The following DHX9 variants were observed in gnomAD, a reference collection of about 807,000 sequenced individuals.
DHX9 encodes the protein ATP-dependent RNA helicase A.
A neutral mutation model predicts 148.7 loss-of-function variants in DHX9; 27 were observed. The ratio of observed to expected loss-of-function variants is 0.18; its 90% CI spans 0.13 to 0.25. DHX9 has a LOEUF of 0.25. DHX9 is among the 10% of genes least tolerant of loss of function. The probability of loss-of-function intolerance (pLI) is 1.00; values close to 1 mark genes in which losing one functional copy is unlikely to be tolerated. For synonymous variants in DHX9, 529 were observed against 516.6 expected (o/e 1.02, Z -0.33); for missense variants, 796 against 1,559.6 (o/e 0.51, Z 8.25).
intron 1 of DHX9, 113 bp from the exon 2 acceptor site, chr1:182,842,432 A>G (rs771601801): frequency 5.2e-5 from 30 of 580,138 alleles, no homozygotes; most frequent in Non-Finnish European, 8.1e-5. Context: ...GAGTCTTAAT[A>G]GCAACATGAT....
At chr1:182,877,838 A>T in intron 19 of DHX9, 183 bp from the exon 20 acceptor site, 1 of 683,994 alleles carries the variant, frequency 1.5e-6, no homozygotes, top group Non-Finnish European at 2.3e-6. Flanking sequence ...ATTGCCTTTT[A>T]GTAGGTTGAC....
chr1:182,887,077 T>C lies in DHX9; in HGVS notation c.3462-6T>C. ...TGCTAAAGTGATGGTTTTGTGCTTT[T>C]CCTAGGTATGGAGATGGTCCACGTC... On this transcript the variant is annotated splice_polypyrimidine_tract_variant and splice_region_variant and intron_variant, in intron 27 of 27. Coordinates refer to ENST00000367549, the MANE Select transcript of DHX9 (RefSeq NM_001357.5). 3 of 1,610,862 alleles carry C rather than the reference T, an allele frequency of 1.9e-6. No individual in the cohort carries two copies. The highest frequency in any genetic ancestry group is 2.5e-6 in the Non-Finnish European group (3 of 1,177,110).
At chr1:182,851,123 T>G (rs1403689670) in intron 3 of DHX9, among the ~76,000 whole-genome samples, 1 of 152,134 alleles carries the variant, frequency 6.6e-6, no homozygotes, top group Non-Finnish European at 1.5e-5. Context: ...TTCTACTTTG[T>G]CTCCATAACC....
intron 21 of DHX9, 84 bp downstream of exon 21, chr1:182,879,494 CAAGATGATG>C: frequency 7.9e-7 from 1 of 1,263,838 alleles, no homozygotes; most frequent in Non-Finnish European, 1.0e-6. Context: ...ACAAATGAAT[CAAGATGATG>C]AAGATGTAGT....
chr1:182,851,841 C>G (rs1668156524), intron 3 of DHX9, among the ~76,000 whole-genome samples: 3 of 152,158 alleles, frequency 2.0e-5, no homozygotes. Flanking sequence ...AAATTAAACA[C>G]TAATGACCAA....
chr1:182,859,094 G>T lies in DHX9; in HGVS notation c.1117G>T (p.Glu373Ter). The T allele has an allele frequency of 6.2e-7, 1 of 1,614,026 alleles. No individual in the cohort carries two copies. Among genetic ancestry groups the T allele is most frequent in the South Asian group, 1.1e-5 (1 of 91,018 alleles). Reference protein sequence around the residue: ...DLKNELMYQLEQDHDLQAILQ... With the variant: ...DLKNELMYQL ...CAAGAATGAATTGATGTACCAGTTG[G>T]AACAGGATCATGATTTGCAAGCAGT... The change falls in exon 11 of 28, where the codon GAA becomes TAA. Residue 373 changes from glutamate (E) to a stop codon, truncating the protein, a stop_gained. Transcript: ENST00000367549. LOFTEE classifies it high-confidence loss of function.
chr1:182,882,328 G>A (rs1004556039), intron 24 of DHX9, among the ~76,000 whole-genome samples: 1 of 152,168 alleles, frequency 6.6e-6, no homozygotes, highest in Non-Finnish European at 1.5e-5. Context: ...ACTAGAACTC[G>A]TTTGTCTAGA....
At position 182,854,333 on chromosome 1, in the gene DHX9, T is replaced by C. The variant is rs116591707; in HGVS notation, c.626+155T>C. The stretch of plus-strand genomic sequence containing the variant: ...ACGTTAATTTGCACAAGAATAATTA[T>C]TGATTTGTGCAGTTTCCATGGTTTT... On this transcript the variant is annotated intron_variant, in intron 6 of 27. Coordinates refer to ENST00000367549, the MANE Select transcript of DHX9 (RefSeq NM_001357.5). Among the ~76,000 whole-genome samples, 222 of 152,382 alleles carry C rather than the reference T, an allele frequency of 1.5e-3. 1 individual carries two copies. The highest frequency in any genetic ancestry group is 2.3e-3 in the Non-Finnish European group (158 of 68,046).
rs748669663 is a variant in DHX9, at chr1:182,862,047, ATTAT to A, written c.1332+1866_1332+1869del. ...TGGTTATTACAGAATACAGTTTTTT[ATTAT>A]TTTTGTTTTTAATATACTGTACTTC... On this transcript the variant is annotated intron_variant, in intron 12 of 27. Coordinates refer to ENST00000367549, the MANE Select transcript of DHX9 (RefSeq NM_001357.5). Among the ~76,000 whole-genome samples, 52 of 151,176 alleles carry A rather than the reference ATTAT, an allele frequency of 3.4e-4. 1 individual carries two copies. In the Middle Eastern group the frequency reaches 0.02, roughly 59 times the overall value.
chr1:182,863,078 T>A (rs1557971766), intron 12 of DHX9, among the ~76,000 whole-genome samples: 1 of 152,242 alleles, frequency 6.6e-6, no homozygotes, highest in Admixed American at 6.5e-5. Context: ...GGAGGACAGT[T>A]GGAACTATTC....
chr1:182,869,717 C>A (rs1006121569), intron 14 of DHX9, among the ~76,000 whole-genome samples: 2 of 152,192 alleles, frequency 1.3e-5, no homozygotes, highest in African/African-American at 4.8e-5. Context: ...TCAGGCGATT[C>A]TCCTACGAGT....
intron 3 of DHX9, 97 bp downstream of exon 3, chr1:182,843,531 C>A: frequency 8.3e-7 from 1 of 1,209,828 alleles, no homozygotes; most frequent in Non-Finnish European, 1.1e-6. Flanking sequence ...TCACTGTTTT[C>A]AGATATATCG....
chr1:182,885,085 G>C (rs546931132), intron 27 of DHX9, among the ~76,000 whole-genome samples: 2 of 152,274 alleles, frequency 1.3e-5, no homozygotes, highest in East Asian at 3.9e-4. Flanking sequence ...AGTTCAGAGT[G>C]GGTCACATGA....
chr1:182,868,681 A>G (rs1375789616), intron 14 of DHX9, among the ~76,000 whole-genome samples: 1 of 151,818 alleles, frequency 6.6e-6, no homozygotes, highest in South Asian at 2.1e-4. Context: ...AGTCCTGGCT[A>G]ATTTTTTGTA....
chr1:182,866,861 T>C, intron 13 of DHX9, 100 bp from the exon 14 acceptor site: 1 of 940,150 alleles, frequency 1.1e-6, no homozygotes, highest in Non-Finnish European at 1.6e-6. Context: ...GATTATTTTC[T>C]AAAATGATGC....
chr1:182,875,977 TAGA>T (rs1648746640), intron 16 of DHX9, 70 bp from the exon 17 acceptor site: 1 of 1,153,380 alleles, frequency 8.7e-7, no homozygotes, highest in African/African-American at 1.6e-5. Context: ...TTAGAGTCAC[TAGA>T]AGAAATCTAG....
intron 12 of DHX9, among the ~76,000 whole-genome samples, chr1:182,866,140 C>T (rs925661303): frequency 1.3e-5 from 2 of 152,120 alleles, no homozygotes; most frequent in African/African-American, 2.4e-5. Context: ...TTTAGTGTGG[C>T]GATCGGTTAC....
rs10911149 is a variant in DHX9 at position 182,866,625 on chromosome 1, T to C, written c.1474+40T>C. 1.4e-4 allele frequency: 228 copies of C among 1,584,526 alleles called. 1 individual carries two copies. The African/African-American group carries it at 2.7e-3, about 19-fold the overall frequency. On this transcript the variant is annotated intron_variant, in intron 13 of 27. Coordinates refer to ENST00000367549, the MANE Select transcript of DHX9 (RefSeq NM_001357.5). The stretch of plus-strand genomic sequence containing the variant: ...TTGATTTTTCATTTGGGGTTTATAT[T>C]GTGGTTGTGAAGAAAACTTGATAGC...
rs1308673134 is a variant in DHX9, at chr1:182,859,069, C to A, written c.1092C>A (p.Leu364=). The A allele has an allele frequency of 1.2e-6, 2 of 1,613,964 alleles. No homozygotes were observed. Among genetic ancestry groups the A allele is most frequent in the Admixed American group, 1.7e-5 (1 of 60,006 alleles). ...FATPEQISMD[L]KNELMYQLEQ... ...CTCCAGAGCAAATAAGCATGGACCT[C>A]AAGAATGAATTGATGTACCAGTTGG... The change falls in exon 11 of 28, where the codon CTC becomes CTA. Residue 364 remains leucine (L), a synonymous_variant. Coordinates refer to ENST00000367549, the MANE Select transcript of DHX9 (RefSeq NM_001357.5).
Sources: gnomAD v4.1 joint callset for allele counts (sites outside exome capture counted in the v4.1 genomes callset) on GRCh38, gnomAD v4.1.1 for gene constraint, MANE v1.5 for transcripts, NCBI Gene and HGNC (gene_info 2026-07-23, HGNC 2026-07-21) for gene names.